The following NUDT7 variants were observed in gnomAD, a reference collection of about 807,000 sequenced individuals.
NUDT7 encodes peroxisomal coenzyme A diphosphatase NUDT7.
Under a neutral mutation model 13.1 loss-of-function variants are expected in NUDT7, and 19 were observed. The ratio of observed to expected loss-of-function variants is 1.45; its 90% confidence interval spans 1.01 to 2.13. The LOEUF is 2.13. Ranked by LOEUF, NUDT7 falls within the 30% of genes most tolerant of loss-of-function variation. The pLI is 0.00. For missense variants in NUDT7, 360 were observed against 291.7 expected (o/e 1.23, Z -1.71); for synonymous variants, 132 against 109.7 (o/e 1.20, Z -1.27).
intron 3 of NUDT7, among the ~76,000 whole-genome samples, chr16:77,737,113 A>T (rs1228441724): frequency 6.6e-6 from 1 of 152,156 alleles, no homozygotes; most frequent in Non-Finnish European, 1.5e-5. Context: ...CACTGTGTAC[A>T]TTTGTCACAA....
rs148451618 is a variant in NUDT7, at chr16:77,723,592, C to CTTTTTTT, written c.35+987_35+993dup. On this transcript the variant is annotated intron_variant, in intron 1 of 3. Transcript: ENST00000268533. Reference sequence around the variant, plus strand: ...AACTCAGAGAAGTCATTTGTATACACTTTTTTTTTTTTTTTTTTGAGACAG... The same window carrying CTTTTTTT: ...AACTCAGAGAAGTCATTTGTATACACTTTTTTTTTTTTTTTTTTTTTTTTTGAGACAG... 8.7e-4 allele frequency among the ~76,000 whole-genome samples: 109 copies of CTTTTTTT among 125,660 alleles called. 4 individuals are homozygous for CTTTTTTT. Among genetic ancestry groups the CTTTTTTT allele is most frequent in the African/African-American group, 2.3e-3 (73 of 31,896 alleles). The allele number at this position is 125,660 out of a possible 152,430, so 82.4% of individuals were successfully genotyped here. A position where few individuals can be genotyped will look rare whatever the true frequency, so the allele number is the denominator to read the frequency against.
At chr16:77,736,663 G>A (rs543826634) in intron 3 of NUDT7, 158 of 278,038 alleles carry the variant, frequency 5.7e-4, no homozygotes, top group Admixed American at 1.1e-3. Context: ...TGGGGGTCTC[G>A]CTATGTTGAT....
intron 2 of NUDT7, among the ~76,000 whole-genome samples, chr16:77,728,609 G>A (rs1007163537): frequency 5.3e-5 from 8 of 152,206 alleles, no homozygotes; most frequent in African/African-American, 1.9e-4. Context: ...AGCGCCTCAT[G>A]TGCAAGGTTG....
intron 2 of NUDT7, among the ~76,000 whole-genome samples, chr16:77,734,717 TA>T (rs61276768): frequency 1.3e-5 from 2 of 151,844 alleles, no homozygotes; most frequent in Admixed American, 6.6e-5. Context: ...TATTCAGCCA[TA>T]AAAAAGGAAG....
intron 2 of NUDT7, 99 bp from the exon 3 acceptor site, chr16:77,735,729 T>C (rs1250918090): frequency 1.8e-6 from 2 of 1,092,052 alleles, no homozygotes; most frequent in Admixed American, 4.2e-5. Flanking sequence ...GTAAGAATGG[T>C]CTCTGGTACA....
chr16:77,724,064 A>G (rs1236407756), intron 1 of NUDT7, among the ~76,000 whole-genome samples: 1 of 152,176 alleles, frequency 6.6e-6, no homozygotes, highest in East Asian at 1.9e-4. Flanking sequence ...TCTCATGGCT[A>G]TGAAGCCTGG....
At chr16:77,724,207 C>T (rs563650137) in intron 1 of NUDT7, among the ~76,000 whole-genome samples, 3 of 152,184 alleles carry the variant, frequency 2.0e-5, no homozygotes, top group African/African-American at 4.8e-5. Flanking sequence ...CAACCTCTGC[C>T]GCCATCTTCA....
chr16:77,735,330 C>T, intron 2 of NUDT7: 1 of 446,084 alleles, frequency 2.2e-6, no homozygotes, highest in Non-Finnish European at 4.0e-6. Context: ...AGTGAGTTCT[C>T]ACGAGATAAG....
intron 3 of NUDT7, among the ~76,000 whole-genome samples, chr16:77,740,480 T>C (rs1285935941): frequency 3.9e-5 from 6 of 152,178 alleles, no homozygotes; most frequent in Admixed American, 3.9e-4. Flanking sequence ...TCTCAGGGTT[T>C]CCAGTATAAC....
Position 77,742,229 on chromosome 16 carries a change from A to T in NUDT7, c.*279A>T. On this transcript the variant is annotated 3_prime_UTR_variant, in exon 4 of 4. Coordinates refer to ENST00000268533, the MANE Select transcript of NUDT7 (RefSeq NM_001105663.3). ...TAATAAAGAATATCTGGCACATACT[A>T]GGCCCTTAATAAAGATTTTTTGAAT... 1.2e-6 allele frequency: 1 copy of T among 807,034 alleles called. No individual in the cohort carries two copies. The highest frequency in any genetic ancestry group is 1.6e-6 in the Non-Finnish European group (1 of 631,996). The allele number at this position is 807,034 out of a possible 1,614,324, so 50.0% of individuals were successfully genotyped here. A position where few individuals can be genotyped will look rare whatever the true frequency, so the allele number is the denominator to read the frequency against.
At chr16:77,739,035 T>C (rs899834615) in intron 3 of NUDT7, among the ~76,000 whole-genome samples, 2 of 152,202 alleles carry the variant, frequency 1.3e-5, no homozygotes, top group Non-Finnish European at 2.9e-5. Context: ...TCACCAATGG[T>C]AGCAGCAACC....
At chr16:77,738,191 A>G (rs2014549226) in intron 3 of NUDT7, among the ~76,000 whole-genome samples, 1 of 152,216 alleles carries the variant, frequency 6.6e-6, no homozygotes, top group Non-Finnish European at 1.5e-5. Context: ...TTTAGAAATC[A>G]ATTAACTAAT....
At chr16:77,731,885 G>A (rs186905328) in intron 2 of NUDT7, among the ~76,000 whole-genome samples, 40 of 152,180 alleles carry the variant, frequency 2.6e-4, no homozygotes, top group African/African-American at 9.4e-4. Flanking sequence ...AAAGCTTCTA[G>A]AATAAGGATA....
intron 3 of NUDT7, among the ~76,000 whole-genome samples, chr16:77,739,053 T>C (rs1439577215): frequency 6.6e-6 from 1 of 152,162 alleles, no homozygotes; most frequent in African/African-American, 2.4e-5. Flanking sequence ...ACCACGAATA[T>C]TTACTGAGCA....
At chr16:77,734,765 A>G (rs148437857) in intron 2 of NUDT7, among the ~76,000 whole-genome samples, 1 of 152,300 alleles carries the variant, frequency 6.6e-6, no homozygotes, top group East Asian at 1.9e-4. Context: ...CCTCAAAAAC[A>G]TATGTGAAGG....
At chr16:77,737,035 C>A (rs1009589204) in intron 3 of NUDT7, among the ~76,000 whole-genome samples, 3 of 147,508 alleles carry the variant, frequency 2.0e-5, no homozygotes, top group Non-Finnish European at 4.4e-5. Context: ...GGAAACTAGA[C>A]CATAGGAAAC....
intron 2 of NUDT7, among the ~76,000 whole-genome samples, chr16:77,731,575 G>A (rs1252026089): frequency 6.6e-6 from 1 of 152,106 alleles, no homozygotes; most frequent in African/African-American, 2.4e-5. Context: ...GACATTTCTG[G>A]TTTATGAAAT....
Position 77,741,616 on chromosome 16 carries a change from T to G in NUDT7, c.383T>G (p.Ile128Arg). The G allele has an allele frequency of 1.2e-6, 2 of 1,612,824 alleles. No homozygotes were observed. The highest frequency in any genetic ancestry group is 8.5e-7 in the Non-Finnish European group (1 of 1,179,770). The change falls in exon 4 of 4, where the codon ATA becomes AGA. Residue 128 changes from isoleucine (I) to arginine (R), a missense_variant. Ile to Arg is a moderately conservative substitution (Grantham distance 97). Transcript: ENST00000268533. ...TTGATAACTCCATTTGTGGGTTTAATAGACCACAACTTCCAGGCCCAGCCG... is the reference window on the plus strand; with the variant it reads ...TTGATAACTCCATTTGTGGGTTTAAGAGACCACAACTTCCAGGCCCAGCCG... ...DTLITPFVGL[I>R]DHNFQAQPNP...
At position 77,725,492 on chromosome 16, in the gene NUDT7, T is replaced by G. The variant is rs769904610; in HGVS notation, c.97T>G (p.Ser33Ala). ...LRKYDIGGKY[S>A]HLPYNKYSVL... ...AAAGTATGATATTGGAGGCAAATAT[T>G]CTCACTTGCCATATAACAAATACTC... is the stretch of plus-strand genomic sequence containing the variant. Residue 33 changes from serine to alanine, a missense_variant, in exon 2 of 4, where the codon TCT (serine) becomes GCT (alanine). Ser to Ala is a moderately conservative substitution (Grantham distance 99). Coordinates refer to ENST00000268533, the MANE Select transcript of NUDT7 (RefSeq NM_001105663.3). 4.3e-6 allele frequency: 7 copies of G among 1,613,142 alleles called. No individual in the cohort carries two copies. In the South Asian group the frequency reaches 7.7e-5, roughly 18 times the overall value.
Sources: allele counts gnomAD v4.1 joint callset (sites outside exome capture counted in the v4.1 genomes callset), GRCh38; gene constraint gnomAD v4.1.1; transcripts MANE v1.5; gene names NCBI Gene and HGNC (gene_info 2026-07-23, HGNC 2026-07-21).